The following VOPP1 variants were observed in gnomAD, a reference collection of about 807,000 sequenced individuals.
VOPP1 encodes the protein WW domain binding protein VOPP1.
Under a neutral mutation model 23.5 loss-of-function variants are expected in VOPP1, and 8 were observed. The observed-to-expected ratio is 0.34, with a 90% CI of 0.20 to 0.61. The LOEUF is 0.61. VOPP1 is among the 20% of genes least tolerant of loss of function. The pLI, the probability that VOPP1 is intolerant of heterozygous loss-of-function variation, is 0.78. For synonymous variants in VOPP1, 83 were observed against 97.3 expected (o/e 0.85, Z 0.86); for missense variants, 174 against 238.1 (o/e 0.73, Z 1.77).
At chr7:55,571,362 C>T (rs1415221581) in intron 1 of VOPP1, among the ~76,000 whole-genome samples, 1 of 152,224 alleles carries the variant, frequency 6.6e-6, no homozygotes, top group Non-Finnish European at 1.5e-5. Flanking sequence ...AAGATAGTTT[C>T]ACAACTTCCT....
At chr7:55,503,848 T>C (rs1465930052) in intron 2 of VOPP1, among the ~76,000 whole-genome samples, 2 of 152,242 alleles carry the variant, frequency 1.3e-5, no homozygotes, top group African/African-American at 4.8e-5. Context: ...CCTCCAGAGC[T>C]GTGAGAAATA....
intron 1 of VOPP1, chr7:55,521,537 G>A: frequency 9.9e-7 from 1 of 1,007,070 alleles, no homozygotes; most frequent in Non-Finnish European, 1.2e-6. Context: ...AGCATTTCTA[G>A]AGCTGTATAT....
rs1035544786 is a variant in VOPP1, at chr7:55,472,043, A to G, written c.*812T>C. 2 of 152,282 alleles carry G rather than the reference A, an allele frequency of 1.3e-5. No homozygotes were observed. The highest frequency in any genetic ancestry group is 4.8e-5 in the African/African-American group (2 of 41,470). 9.4% of individuals were successfully genotyped at this position (152,282 alleles called of 1,614,324 possible). On this transcript the variant is annotated 3_prime_UTR_variant, in exon 5 of 5. Coordinates refer to ENST00000285279, the MANE Select transcript of VOPP1 (RefSeq NM_030796.5). ...CTGATTTCAAAGGGCAGGACGCTCT[A>G]CATGCACTTCCATAAACACACCAAA...
chr7:55,443,135 ATAAAC>A (rs745867604), intron 4 of VOPP1, among the ~76,000 whole-genome samples: 2 of 152,128 alleles, frequency 1.3e-5, no homozygotes, highest in African/African-American at 4.8e-5. Context: ...ATAAAAATAA[ATAAAC>A]TAAAAAATAA....
chr7:55,554,146 G>C (rs1358560001), intron 1 of VOPP1, among the ~76,000 whole-genome samples: 5 of 152,250 alleles, frequency 3.3e-5, no homozygotes, highest in African/African-American at 9.6e-5. Flanking sequence ...CTCTTATTGA[G>C]AGATAGTCCC....
intron 2 of VOPP1, among the ~76,000 whole-genome samples, chr7:55,513,379 C>G (rs796706908): frequency 5.3e-5 from 8 of 152,328 alleles, no homozygotes; most frequent in African/African-American, 1.9e-4. Flanking sequence ...GGTTTGACAA[C>G]ATGCAGCCAT....
chr7:55,511,756 T>A (rs1217652325), intron 2 of VOPP1, among the ~76,000 whole-genome samples: 3 of 152,202 alleles, frequency 2.0e-5, no homozygotes, highest in Admixed American at 1.3e-4. Flanking sequence ...CCTTTCCGGA[T>A]GAACCAATGT....
At chr7:55,528,347 T>C (rs536461831) in intron 1 of VOPP1, among the ~76,000 whole-genome samples, 1 of 152,360 alleles carries the variant, frequency 6.6e-6, no homozygotes, top group South Asian at 2.1e-4. Flanking sequence ...TGTTTTCCAC[T>C]ATACATTTTG....
chr7:55,469,901 A>G (rs1005508815), downstream of VOPP1, among the ~76,000 whole-genome samples: 2 of 152,174 alleles, frequency 1.3e-5, no homozygotes, highest in Non-Finnish European at 2.9e-5. Flanking sequence ...GAAGGCAAAA[A>G]TAAACCAAGC....
At chr7:55,566,329 GACTCATCATTCTAAAATGAGT>G (rs1798162832) in intron 1 of VOPP1, among the ~76,000 whole-genome samples, 1 of 152,010 alleles carries the variant, frequency 6.6e-6, no homozygotes, top group Non-Finnish European at 1.5e-5. Context: ...CCCCAAAATG[GACTCATCATTCTAAAATGAGT>G]ACTCAGAGCC....
At chr7:55,482,589 T>C (rs1792821978) in intron 4 of VOPP1, among the ~76,000 whole-genome samples, 2 of 151,120 alleles carry the variant, frequency 1.3e-5, no homozygotes, top group South Asian at 4.2e-4. Context: ...TCCGCCTGCC[T>C]CAGCCTCCCA....
chr7:55,461,560 G>A (rs1450474759), intron 4 of VOPP1, among the ~76,000 whole-genome samples: 3 of 152,142 alleles, frequency 2.0e-5, no homozygotes, highest in African/African-American at 7.2e-5. Context: ...TGGGATTACA[G>A]GCATGTGCCA....
intron 1 of VOPP1, chr7:55,539,688 T>TC (rs1180762118): frequency 6.6e-6 from 1 of 152,222 alleles, no homozygotes. Context: ...CGGATGGAGT[T>TC]GAGTCCCTCT....
intron 1 of VOPP1, among the ~76,000 whole-genome samples, chr7:55,549,698 G>A (rs1396128142): frequency 6.6e-6 from 1 of 152,214 alleles, no homozygotes; most frequent in Non-Finnish European, 1.5e-5. Flanking sequence ...GCAATGAGCA[G>A]AAGCTCATCT....
chr7:55,451,011 T>A (rs184063468), intron 4 of VOPP1, among the ~76,000 whole-genome samples: 2 of 152,358 alleles, frequency 1.3e-5, no homozygotes, highest in Non-Finnish European at 1.5e-5. Context: ...ACATACATCT[T>A]TTTTTGTAAA....
chr7:55,436,374 T>C (rs1396211304), intron 4 of VOPP1, among the ~76,000 whole-genome samples: 1 of 152,184 alleles, frequency 6.6e-6, no homozygotes, highest in Non-Finnish European at 1.5e-5. Context: ...CTACCTTATT[T>C]GGTAGGTGGG....
At chr7:55,536,663 G>A (rs559396094) in intron 1 of VOPP1, among the ~76,000 whole-genome samples, 1 of 152,296 alleles carries the variant, frequency 6.6e-6, no homozygotes, top group African/African-American at 2.4e-5. Flanking sequence ...GAGAGAATGA[G>A]GGCAGAGCAC....
intron 1 of VOPP1, among the ~76,000 whole-genome samples, chr7:55,544,376 T>C (rs1257430524): frequency 6.6e-6 from 1 of 152,174 alleles, no homozygotes; most frequent in Non-Finnish European, 1.5e-5. Flanking sequence ...TTTGGGGCAG[T>C]AGGGCTGGTG....
At chr7:55,563,884 A>C (rs757887170) in intron 1 of VOPP1, among the ~76,000 whole-genome samples, 42 of 152,310 alleles carry the variant, frequency 2.8e-4, no homozygotes, top group African/African-American at 9.9e-4. Flanking sequence ...AAAATTCCCT[A>C]AAAGAGTATA....
Sources: allele counts gnomAD v4.1 joint callset (sites outside exome capture counted in the v4.1 genomes callset), GRCh38; gene constraint gnomAD v4.1.1; transcripts MANE v1.5; gene names NCBI Gene and HGNC (gene_info 2026-07-23, HGNC 2026-07-21).